Variants in ONECUT1 observed in about 807,000 individuals in gnomAD.
ONECUT1 encodes the protein hepatocyte nuclear factor 6.
A neutral mutation model predicts 25.6 loss-of-function variants in ONECUT1; 12 were observed. The observed-to-expected ratio is 0.47, with a 90% CI of 0.30 to 0.76. ONECUT1 has a LOEUF of 0.76. ONECUT1 is among the 30% of genes least tolerant of loss of function. The pLI, the probability that ONECUT1 is intolerant of heterozygous loss-of-function variation, is 0.07. For synonymous variants in ONECUT1, 285 were observed against 270.2 expected (o/e 1.05, Z -0.54); for missense variants, 620 against 651.2 (o/e 0.95, Z 0.52).
chr15:52,780,547 A>G (rs2083834049), intron 1 of ONECUT1: 2 of 1,516,742 alleles, frequency 1.3e-6, no homozygotes, highest in East Asian at 2.5e-5. Flanking sequence ...CTGCATCTTA[A>G]TTACCCCAAA....
intron 1 of ONECUT1, among the ~76,000 whole-genome samples, chr15:52,775,680 A>G (rs1210844980): frequency 9.9e-5 from 15 of 152,210 alleles, no homozygotes; most frequent in African/African-American, 3.6e-4. Flanking sequence ...CAAAATATTT[A>G]TTAATTAAAA....
At position 52,757,308 on chromosome 15, in the gene ONECUT1, G is replaced by T; in HGVS notation, c.*247C>A. The T allele has an allele frequency of 2.0e-6, 1 of 493,808 alleles. No individual in the cohort carries two copies. Among genetic ancestry groups the T allele is most frequent in the Non-Finnish European group, 3.6e-6 (1 of 281,140 alleles). The allele number at this position is 493,808 out of a possible 1,614,324, so 30.6% of individuals were successfully genotyped here. Reference sequence around the variant, plus strand: ...GCGAGGATGGTCATGGATTGAAGGTGTGAGATCCAGTGGTGTTTTCCTGCT... The same window carrying T: ...GCGAGGATGGTCATGGATTGAAGGTTTGAGATCCAGTGGTGTTTTCCTGCT... On this transcript the variant is annotated 3_prime_UTR_variant, in exon 2 of 2. Coordinates refer to ENST00000305901, the MANE Select transcript of ONECUT1 (RefSeq NM_004498.4).
chr15:52,788,946 G>A lies in ONECUT1; in HGVS notation c.939C>T (p.Ala313=). 1 of 1,613,880 alleles carries A rather than the reference G, an allele frequency of 6.2e-7. No individual in the cohort carries two copies. The highest frequency in any genetic ancestry group is 8.5e-7 in the Non-Finnish European group (1 of 1,180,024). The change falls in exon 1 of 2, where the codon GCC becomes GCT. Residue 313 remains alanine, a synonymous_variant. Coordinates refer to ENST00000305901, the MANE Select transcript of ONECUT1 (RefSeq NM_004498.4). This position sits in a 1 kb window ranked among gnomAD's most constrained non-coding sequence, Gnocchi z 4.3. ...GGCAGAGCACCCTCTGCGCGAAGAT[G>A]GCCTGTGGGATGCTGTAGCGCTTGA... ...TELKRYSIPQ[A]IFAQRVLCRS... is the part of the protein sequence containing the mutation.
intron 1 of ONECUT1, among the ~76,000 whole-genome samples, chr15:52,759,109 C>T (rs61586459): frequency 6.6e-6 from 1 of 152,044 alleles, no homozygotes; most frequent in Non-Finnish European, 1.5e-5. Flanking sequence ...TCATCATGAC[C>T]ATAGTGGAAG....
At chr15:52,764,698 C>G (rs2083724079) in intron 1 of ONECUT1, among the ~76,000 whole-genome samples, 1 of 152,152 alleles carries the variant, frequency 6.6e-6, no homozygotes, top group Non-Finnish European at 1.5e-5. Context: ...GTCCAGGACA[C>G]CATGAAACTG....
chr15:52,775,911 A>G (rs959300520), intron 1 of ONECUT1, among the ~76,000 whole-genome samples: 1 of 152,184 alleles, frequency 6.6e-6, no homozygotes, highest in African/African-American at 2.4e-5. Flanking sequence ...CTTTGTTTAT[A>G]GATAGACAGC....
intron 1 of ONECUT1, among the ~76,000 whole-genome samples, chr15:52,785,133 G>C (rs562690312): frequency 6.6e-6 from 1 of 152,384 alleles, no homozygotes; most frequent in African/African-American, 2.4e-5. Flanking sequence ...AGGATTGAAG[G>C]GCTCTGCCTA....
rs1406461237 is a variant in ONECUT1 at position 52,755,061 on chromosome 15, G to A, written c.*2494C>T. Among the ~76,000 whole-genome samples the A allele has an allele frequency of 1.3e-5, 2 of 150,922 alleles. No individual in the cohort carries two copies. Among genetic ancestry groups the A allele is most frequent in the Admixed American group, 6.6e-5 (1 of 15,132 alleles). ...ACATGTAGTTGGATTGATTTTGGGG[G>A]TAATATATACTAGCAACAAATAAAA... On this transcript the variant is annotated 3_prime_UTR_variant, in exon 2 of 2. Coordinates refer to ENST00000305901, the MANE Select transcript of ONECUT1 (RefSeq NM_004498.4).
At chr15:52,763,538 G>A (rs2083717773) in intron 1 of ONECUT1, among the ~76,000 whole-genome samples, 1 of 152,240 alleles carries the variant, frequency 6.6e-6, no homozygotes, top group African/African-American at 2.4e-5. Flanking sequence ...TGTGAACAAT[G>A]AGTTGTGAGG....
chr15:52,767,265 C>T (rs967310535), intron 1 of ONECUT1, among the ~76,000 whole-genome samples: 1 of 152,116 alleles, frequency 6.6e-6, no homozygotes, highest in Non-Finnish European at 1.5e-5. Context: ...AACAGAGAAC[C>T]ATACCAGCTT....
intron 1 of ONECUT1, among the ~76,000 whole-genome samples, chr15:52,782,396 T>C (rs921632211): frequency 1.3e-5 from 2 of 152,210 alleles, no homozygotes; most frequent in African/African-American, 2.4e-5. Context: ...ATTAACATAC[T>C]TGTATTAAAA....
In ONECUT1 at chr15:52,789,070, T is replaced by A. The variant is rs1397494512; in HGVS notation, c.815A>T (p.Asn272Ile). The A allele has an allele frequency of 6.2e-7, 1 of 1,602,400 alleles. No homozygotes were observed. Among genetic ancestry groups the A allele is most frequent in the Non-Finnish European group, 8.5e-7 (1 of 1,179,948 alleles). Residue 272 changes from asparagine (N) to isoleucine (I), a missense_variant, in exon 1 of 2, where the codon AAC becomes ATC. By Grantham distance (149) the Asn-to-Ile change is moderately radical. Around this residue, in one of 4 missense-constraint regions of ONECUT1, gnomAD observed 440 missense variants for 404.9 expected, o/e 1.09. Transcript: ENST00000305901. This position sits in a 1 kb window ranked among gnomAD's most constrained non-coding sequence, Gnocchi z 4.1. ...GACCTGCGCGCCGGTCACCGAAGGG[T>A]TGGGCTCCCGGGCTGTGCCCAGGAG... ...GQLLGTAREP[N>I]PSVTGAQVSN...
chr15:52,771,566 G>C (rs1204629507), intron 1 of ONECUT1, among the ~76,000 whole-genome samples: 6 of 150,496 alleles, frequency 4.0e-5, no homozygotes, highest in Non-Finnish European at 8.8e-5. Flanking sequence ...GATGTTGTTT[G>C]CATTCTTATT....
rs755886503 is a variant in ONECUT1, at chr15:52,780,658, A to G, written c.1105+8122T>C. ...ATCGCTTTAGCCACTCCTCTCACGCACTTCAGTCGCAGAATCTGCAGCGAG... is the reference window on the plus strand; with the variant it reads ...ATCGCTTTAGCCACTCCTCTCACGCGCTTCAGTCGCAGAATCTGCAGCGAG... On this transcript the variant is annotated intron_variant, in intron 1 of 1. Transcript: ENST00000305901. The G allele has an allele frequency of 3.9e-6, 6 of 1,534,290 alleles. No individual in the cohort carries two copies. The South Asian group carries it at 7.2e-5, about 18-fold the overall frequency.
chr15:52,763,625 A>G (rs1350409300), intron 1 of ONECUT1, among the ~76,000 whole-genome samples: 1 of 152,212 alleles, frequency 6.6e-6, no homozygotes, highest in East Asian at 1.9e-4. Flanking sequence ...CAGAGCTTTA[A>G]TATGTTACTG....
chr15:52,777,360 C>CA (rs775111745), intron 1 of ONECUT1, among the ~76,000 whole-genome samples: 19 of 152,112 alleles, frequency 1.2e-4, no homozygotes, highest in Non-Finnish European at 2.8e-4. Context: ...ATTCTCCCCC[C>CA]TTCTCTCCCT....
In ONECUT1 at chr15:52,790,013, CTCTG is replaced by C. The variant is rs2141468753; in HGVS notation, c.-133_-130del. 3.0e-6 allele frequency: 4 copies of C among 1,330,040 alleles called. No homozygotes were observed. The highest frequency in any genetic ancestry group is 3.9e-6 in the Non-Finnish European group (4 of 1,033,156). The allele number at this position is 1,330,040 out of a possible 1,614,324, so 82.4% of individuals were successfully genotyped here. ...TGCCTTCCTTCCTCTCACTGTGGGGCTCTGTCTCTCTCTCTCTCTCTCTCCGTGT... is the reference window on the plus strand; with the variant it reads ...TGCCTTCCTTCCTCTCACTGTGGGGCTCTCTCTCTCTCTCTCTCTCCGTGT... On this transcript the variant is annotated 5_prime_UTR_variant, in exon 1 of 2. Transcript: ENST00000305901.
At chr15:52,762,682 G>A (rs2083712684) in intron 1 of ONECUT1, among the ~76,000 whole-genome samples, 1 of 152,196 alleles carries the variant, frequency 6.6e-6, no homozygotes, top group Admixed American at 6.5e-5. Context: ...CTGCGAATAA[G>A]TAGATGTGAT....
At chr15:52,766,194 A>G (rs1022904968) in intron 1 of ONECUT1, among the ~76,000 whole-genome samples, 1 of 151,602 alleles carries the variant, frequency 6.6e-6, no homozygotes, top group Non-Finnish European at 1.5e-5. Flanking sequence ...TTATCATGTG[A>G]TCCCCACAAA....
Sources: allele counts gnomAD v4.1 joint callset (sites outside exome capture counted in the v4.1 genomes callset), GRCh38; gene constraint gnomAD v4.1.1; regional missense constraint gnomAD v4.1.1; non-coding constraint Gnocchi (gnomAD v3.1); transcripts MANE v1.5; gene names NCBI Gene and HGNC (gene_info 2026-07-23, HGNC 2026-07-21).